STARD13: variants seen among roughly 807,000 people sequenced by gnomAD.
STARD13 encodes StAR related lipid transfer domain containing 13.
Under a neutral mutation model 106.4 loss-of-function variants are expected in STARD13, and 62 were observed. That is an observed-to-expected ratio of 0.58 (90% CI 0.48 to 0.72). The LOEUF (loss-of-function observed/expected upper bound fraction) is 0.72, where lower values mean the gene tolerates loss of function less well. Ranked by LOEUF, STARD13 falls within the 30% of genes least tolerant of loss-of-function variation. The probability of loss-of-function intolerance (pLI) is 0.00; values close to 1 mark genes in which losing one functional copy is unlikely to be tolerated. For missense variants in STARD13, 1,387 were observed against 1,424.0 expected (o/e 0.97, Z 0.42); for synonymous variants, 565 against 553.0 (o/e 1.02, Z -0.31).
rs370931456 is a variant in STARD13, at chr13:33,301,929, C to T, written c.124+48361G>A. ...TGCCCATTTCTTCTTAAATTTTTCTCAGAATTATAGCCCTTCCTTCATATA... is the reference window on the plus strand; with the variant it reads ...TGCCCATTTCTTCTTAAATTTTTCTTAGAATTATAGCCCTTCCTTCATATA... On this transcript the variant is annotated intron_variant, in intron 1 of 5. Transcript: ENST00000567873. 1.3e-3 allele frequency among the ~76,000 whole-genome samples: 205 copies of T among 152,194 alleles called. 2 individuals carry two copies. Among genetic ancestry groups the T allele is most frequent in the African/African-American group, 4.7e-3 (197 of 41,544 alleles).
rs1180942869 is a variant in STARD13 at position 33,112,609 on chromosome 13, C to A, written c.2492+112G>T. On this transcript the variant is annotated intron_variant, in intron 9 of 13. Coordinates refer to ENST00000336934, the MANE Select transcript of STARD13 (RefSeq NM_178006.4). ...ACCTACCTATCTATCTATAATCTGTCTACCAATATATCCATTCGTATCTAT... is the reference window on the plus strand; with the variant it reads ...ACCTACCTATCTATCTATAATCTGTATACCAATATATCCATTCGTATCTAT... 5 of 868,700 alleles carry A rather than the reference C, an allele frequency of 5.8e-6. No individual in the cohort carries two copies. The African/African-American group carries it at 6.7e-5, about 12-fold the overall frequency. 53.8% of individuals were successfully genotyped at this position (868,700 alleles called of 1,614,324 possible). A position where few individuals can be genotyped will look rare whatever the true frequency, so the allele number is the denominator to read the frequency against.
intron 1 of STARD13, among the ~76,000 whole-genome samples, chr13:33,199,912 CAT>C (rs756152158): frequency 3.3e-5 from 5 of 152,204 alleles, no homozygotes; most frequent in Non-Finnish European, 5.9e-5. Flanking sequence ...ATAATAAGCA[CAT>C]GTGGGAAGAA....
the STARD13 span, among the ~76,000 whole-genome samples, chr13:33,488,599 A>G: frequency 2.0e-5 from 3 of 152,216 alleles, no homozygotes; most frequent in South Asian, 4.1e-4. Flanking sequence ...CCTTTTGGGC[A>G]TGAATACTCA....
chr13:33,251,646 C>T (rs1457402770), intron 1 of STARD13, among the ~76,000 whole-genome samples: 1 of 152,160 alleles, frequency 6.6e-6, no homozygotes, highest in Non-Finnish European at 1.5e-5. Context: ...TTTGCATTTC[C>T]AAAAGCTTCT....
At chr13:33,499,568 TTC>T in the STARD13 span, among the ~76,000 whole-genome samples, 1 of 66,142 alleles carries the variant, frequency 1.5e-5, no homozygotes, top group Non-Finnish European at 3.1e-5. Flanking sequence ...CTTCTTCTTC[TTC>T]TTCTTCTTCT....
intron 1 of STARD13, among the ~76,000 whole-genome samples, chr13:33,244,044 AT>A (rs1188529938): frequency 7.1e-6 from 1 of 141,186 alleles, no homozygotes; most frequent in African/African-American, 2.6e-5. Flanking sequence ...TATTTGCATT[AT>A]CCAAAATGCT....
chr13:33,178,663 G>A (rs549316260), intron 1 of STARD13, among the ~76,000 whole-genome samples: 1 of 152,302 alleles, frequency 6.6e-6, no homozygotes, highest in South Asian at 2.1e-4. Flanking sequence ...CTTCCTTCTT[G>A]AATGTCTTAG....
the STARD13 span, among the ~76,000 whole-genome samples, chr13:33,454,723 A>G: frequency 6.6e-6 from 1 of 152,200 alleles, no homozygotes; most frequent in Non-Finnish European, 1.5e-5. Context: ...TATGCAAGAG[A>G]GTGGCATGCT....
intron 1 of STARD13, among the ~76,000 whole-genome samples, chr13:33,193,950 T>C (rs895186720): frequency 6.6e-6 from 1 of 152,142 alleles, no homozygotes; most frequent in African/African-American, 2.4e-5. Context: ...GATTATGCAT[T>C]TTTTTTCTTT....
chr13:33,646,527 CA>C, the STARD13 span, among the ~76,000 whole-genome samples: 3 of 152,152 alleles, frequency 2.0e-5, no homozygotes, highest in African/African-American at 7.2e-5. Flanking sequence ...TAGCAGACCT[CA>C]GCAATAGGAA....
intron 1 of STARD13, among the ~76,000 whole-genome samples, chr13:33,271,112 G>C (rs1891138462): frequency 6.6e-6 from 1 of 152,094 alleles, no homozygotes; most frequent in Non-Finnish European, 1.5e-5. Context: ...TTTTCTGACT[G>C]GCTACTGTTC....
At chr13:33,499,812 T>C in the STARD13 span, among the ~76,000 whole-genome samples, 1 of 136,950 alleles carries the variant, frequency 7.3e-6, no homozygotes, top group Non-Finnish European at 1.6e-5. Context: ...TTCCCCAGGC[T>C]ACAGTGCAGT....
At chr13:33,562,402 A>C in the STARD13 span, among the ~76,000 whole-genome samples, 1 of 146,492 alleles carries the variant, frequency 6.8e-6, no homozygotes, top group South Asian at 2.2e-4. Flanking sequence ...CCCATGTTCA[A>C]TGTCTATCTA....
At chr13:33,534,991 G>A in the STARD13 span, among the ~76,000 whole-genome samples, 3 of 152,188 alleles carry the variant, frequency 2.0e-5, no homozygotes, top group South Asian at 2.1e-4. Context: ...TGAGGCGGGC[G>A]GATCACCTGA....
intron 1 of STARD13, among the ~76,000 whole-genome samples, chr13:33,343,603 CT>C (rs1241664936): frequency 9.8e-5 from 7 of 71,290 alleles, no homozygotes; most frequent in African/African-American, 2.9e-4. Flanking sequence ...AAAAACAAAT[CT>C]ACAAATCTAG....
chr13:33,239,339 T>C (rs1889353278), intron 1 of STARD13, among the ~76,000 whole-genome samples: 1 of 152,184 alleles, frequency 6.6e-6, no homozygotes, highest in Admixed American at 6.5e-5. Context: ...AACAATGAAC[T>C]TGGGGTGCAA....
chr13:33,401,236 A>AT, the STARD13 span, among the ~76,000 whole-genome samples: 2 of 151,750 alleles, frequency 1.3e-5, no homozygotes, highest in Non-Finnish European at 1.5e-5. Flanking sequence ...TTATTTAAAC[A>AT]TTTTTTTTCT....
chr13:33,290,119 G>A (rs969728049), upstream of STARD13, among the ~76,000 whole-genome samples: 3 of 152,100 alleles, frequency 2.0e-5, no homozygotes, highest in African/African-American at 7.2e-5. Flanking sequence ...TGTATACACA[G>A]GGCAGAACGC....
the STARD13 span, among the ~76,000 whole-genome samples, chr13:33,564,664 G>T: frequency 6.8e-6 from 1 of 147,144 alleles, no homozygotes; most frequent in African/African-American, 2.5e-5. Context: ...TAAAGAAAAT[G>T]TATACCTACA....
Sources: allele counts gnomAD v4.1 joint callset (sites outside exome capture counted in the v4.1 genomes callset), GRCh38; gene constraint gnomAD v4.1.1; transcripts MANE v1.5; gene names NCBI Gene and HGNC (gene_info 2026-07-23, HGNC 2026-07-21).